The following ERMP1 variants were observed in gnomAD, a reference collection of about 807,000 sequenced individuals.
ERMP1 encodes the protein Felix-ina.
In ERMP1, 86 loss-of-function variants were observed where a neutral mutation model predicts 92.0. That is an observed-to-expected ratio of 0.93 (90% CI 0.79 to 1.12). The LOEUF (loss-of-function observed/expected upper bound fraction) is 1.12, where lower values mean the gene tolerates loss of function less well. ERMP1 is among the 50% of genes most tolerant of loss of function. The probability of loss-of-function intolerance (pLI) is 0.00; values close to 1 mark genes in which losing one functional copy is unlikely to be tolerated. For missense variants in ERMP1, 1,342 were observed against 1,116.3 expected (o/e 1.20, Z -2.88); for synonymous variants, 530 against 412.8 (o/e 1.28, Z -3.44).
At chr9:5,800,849 C>A (rs1313032328) in intron 11 of ERMP1, among the ~76,000 whole-genome samples, 3 of 152,140 alleles carry the variant, frequency 2.0e-5, no homozygotes, top group Admixed American at 6.6e-5. Context: ...AGCCTGTATA[C>A]ATTTTTACAA....
At position 5,817,669 on chromosome 9, in the gene ERMP1, T is replaced by C. The variant is rs111724311; in HGVS notation, c.875-4634A>G. On this transcript the variant is annotated intron_variant, in intron 4 of 14. Transcript: ENST00000339450. ...TGTGTTCATTTCTCAAGAATGAGCC[T>C]CATCTTTCTTAATGCAAAGAGTATG... 4.2e-3 allele frequency among the ~76,000 whole-genome samples: 645 copies of C among 152,318 alleles called. 1 individual carries two copies. The highest frequency in any genetic ancestry group is 0.015 in the African/African-American group (607 of 41,578).
At chr9:5,818,159 CAA>C (rs563157022) in intron 4 of ERMP1, among the ~76,000 whole-genome samples, 28 of 114,500 alleles carry the variant, frequency 2.4e-4, no homozygotes, top group East Asian at 2.4e-4. Context: ...GATCCTATCT[CAA>C]AAAAAAAAAA....
intron 13 of ERMP1, among the ~76,000 whole-genome samples, chr9:5,794,026 A>AT (rs1326388382): frequency 6.6e-6 from 1 of 152,156 alleles, no homozygotes; most frequent in Admixed American, 6.5e-5. Flanking sequence ...ATTCATCAAG[A>AT]GAGACCACAT....
upstream of ERMP1, among the ~76,000 whole-genome samples, chr9:5,834,703 A>ATGTGTGTGTGCG (rs1830062818): frequency 8.1e-6 from 1 of 122,906 alleles, no homozygotes; most frequent in Non-Finnish European, 1.6e-5. Context: ...GTATGTATAT[A>ATGTGTGTGTGCG]TGTGTGTGTG....
At chr9:5,796,657 A>T (rs1025881647) in intron 13 of ERMP1, among the ~76,000 whole-genome samples, 4 of 152,224 alleles carry the variant, frequency 2.6e-5, no homozygotes, top group African/African-American at 7.2e-5. Context: ...TTCCAGCTAT[A>T]TGATACCTGG....
intron 8 of ERMP1, among the ~76,000 whole-genome samples, chr9:5,808,992 T>C (rs1468921737): frequency 1.3e-5 from 2 of 152,146 alleles, no homozygotes. Context: ...GTGTTGGGAT[T>C]ACAGGCATGA....
chr9:5,813,544 G>A (rs1465271004), intron 4 of ERMP1, among the ~76,000 whole-genome samples: 1 of 152,000 alleles, frequency 6.6e-6, no homozygotes, highest in African/African-American at 2.4e-5. Context: ...CATTATACTA[G>A]TAAGCATCCC....
chr9:5,845,959 G>C (rs1830229412), intron 6 of ERMP1, among the ~76,000 whole-genome samples: 1 of 152,206 alleles, frequency 6.6e-6, no homozygotes, highest in Non-Finnish European at 1.5e-5. Context: ...CCACTTTGGA[G>C]TGTCAGGCAG....
intron 6 of ERMP1, among the ~76,000 whole-genome samples, chr9:5,843,907 T>TGGG (rs1382023600): frequency 6.6e-6 from 1 of 152,104 alleles, no homozygotes; most frequent in Non-Finnish European, 1.5e-5. Context: ...TTGTGTGTCC[T>TGGG]GGGGGGAGGA....
rs113785869 is a variant in ERMP1, at chr9:5,827,856, T to C, written c.641-2637A>G. 5.9e-3 allele frequency among the ~76,000 whole-genome samples: 871 copies of C among 148,568 alleles called. 9 individuals carry two copies. Among genetic ancestry groups the C allele is most frequent in the African/African-American group, 0.02 (820 of 40,038 alleles). ...CGCAAGGCATGGTGGTGGGCGCCTA[T>C]AGTCCCAGCTACTCGGGAGGCTGAG... On this transcript the variant is annotated intron_variant, in intron 2 of 14. Coordinates refer to ENST00000339450, the MANE Select transcript of ERMP1 (RefSeq NM_024896.3).
Position 5,785,730 on chromosome 9 carries a change from G to GCAT in ERMP1, c.*1411_*1413dup, listed in dbSNP as rs1238669488. 6 of 152,614 alleles carry GCAT rather than the reference G, an allele frequency of 3.9e-5. No homozygotes were observed. The highest frequency in any genetic ancestry group is 1.4e-4 in the African/African-American group (6 of 41,454). 9.5% of individuals were successfully genotyped at this position (152,614 alleles called of 1,614,324 possible). Reference sequence around the variant, plus strand: ...CAGATCCACAGACCACCTTTCAAGAGCATTCCTCTCTCATTTCCTCCATCA... The same window carrying GCAT: ...CAGATCCACAGACCACCTTTCAAGAGCATCATTCCTCTCTCATTTCCTCCATCA... On this transcript the variant is annotated 3_prime_UTR_variant, in exon 15 of 15. Transcript: ENST00000339450.
intron 6 of ERMP1, among the ~76,000 whole-genome samples, chr9:5,853,043 C>T (rs541632586): frequency 5.3e-5 from 8 of 152,168 alleles, no homozygotes; most frequent in South Asian, 2.1e-4. Context: ...ACAAAGGAAA[C>T]GGGTTTGGGC....
intron 10 of ERMP1, among the ~76,000 whole-genome samples, chr9:5,804,288 G>A (rs567124730): frequency 1.3e-5 from 2 of 152,220 alleles, no homozygotes; most frequent in Non-Finnish European, 2.9e-5. Context: ...TCGTGGAGGT[G>A]GACATCAAAC....
chr9:5,840,531 C>T (rs1005655451), intron 6 of ERMP1, among the ~76,000 whole-genome samples: 1 of 152,242 alleles, frequency 6.6e-6, no homozygotes, highest in South Asian at 2.1e-4. Context: ...ACTGCCCCTC[C>T]CCGGCCCCCA....
chr9:5,820,033 GTCACACCT>G (rs1829470585), intron 4 of ERMP1, among the ~76,000 whole-genome samples: 1 of 152,162 alleles, frequency 6.6e-6, no homozygotes, highest in South Asian at 2.1e-4. Flanking sequence ...GGCGTGGTGG[GTCACACCT>G]GTAATCCCAG....
In ERMP1 at chr9:5,809,115, G is replaced by A. The variant is rs370274076; in HGVS notation, c.1548+896C>T. Among the ~76,000 whole-genome samples the A allele has an allele frequency of 2.0e-4, 30 of 152,156 alleles. No homozygotes were observed. The East Asian group carries it at 5.2e-3, about 27-fold the overall frequency. ...CAGCTCACTGCAGGCTCCGCCTCCC[G>A]GGTTCACGCCATTCTCCTGCCTCAG... On this transcript the variant is annotated intron_variant, in intron 8 of 14. Coordinates refer to ENST00000339450, the MANE Select transcript of ERMP1 (RefSeq NM_024896.3).
rs1828835333 is a variant in ERMP1, at chr9:5,805,482, G to C, written c.1723+129C>G. 3 of 738,802 alleles carry C rather than the reference G, an allele frequency of 4.1e-6. No individual in the cohort carries two copies. The East Asian group carries it at 8.9e-5, about 22-fold the overall frequency. The allele number at this position is 738,802 out of a possible 1,614,324, so 45.8% of individuals were successfully genotyped here. On this transcript the variant is annotated intron_variant, in intron 9 of 14. Transcript: ENST00000339450. Reference sequence around the variant, plus strand: ...GTATAAGGCATAAGATAATTTGTGTGGTATGAAAACTTTTAAAAACTAACA... The same window carrying C: ...GTATAAGGCATAAGATAATTTGTGTCGTATGAAAACTTTTAAAAACTAACA...
Position 5,794,112 on chromosome 9 carries a change from T to G in ERMP1, c.2386+3705A>C, listed in dbSNP as rs937112444. The stretch of plus-strand genomic sequence containing the variant: ...GTATGCTCTCAGACCACAATGAAAT[T>G]AAACTAGAAATCAATTATCAGAAAA... On this transcript the variant is annotated intron_variant, in intron 13 of 14. Coordinates refer to ENST00000339450, the MANE Select transcript of ERMP1 (RefSeq NM_024896.3). Among the ~76,000 whole-genome samples, 12 of 152,040 alleles carry G rather than the reference T, an allele frequency of 7.9e-5. No homozygotes were observed. In the South Asian group the frequency reaches 1.0e-3, roughly 13 times the overall value.
rs763112098 is a variant in ERMP1, at chr9:5,787,557, T to C, written c.2423A>G (p.Lys808Arg). The C allele has an allele frequency of 5.0e-6, 8 of 1,613,796 alleles. No individual in the cohort carries two copies. Among genetic ancestry groups the C allele is most frequent in the Admixed American group, 1.7e-5 (1 of 59,964 alleles). The change falls in exon 14 of 15, where the codon AAA becomes AGA. Residue 808 changes from lysine to arginine, a missense_variant. Lys to Arg is a conservative substitution (Grantham distance 26). Coordinates refer to ENST00000339450, the MANE Select transcript of ERMP1 (RefSeq NM_024896.3). ...SHMSFYVRAH[K>R]GSTLSQWSLG... ...AGACCACTGAGAAAGTGTTGACCCTTTGTGGGCTCGAACATAGAAGGACAT... is the reference window on the plus strand; with the variant it reads ...AGACCACTGAGAAAGTGTTGACCCTCTGTGGGCTCGAACATAGAAGGACAT...
Sources: allele counts gnomAD v4.1 joint callset (sites outside exome capture counted in the v4.1 genomes callset), GRCh38; gene constraint gnomAD v4.1.1; transcripts MANE v1.5; gene names NCBI Gene and HGNC (gene_info 2026-07-23, HGNC 2026-07-21).